The following CSMD2 variants were observed in gnomAD, a reference collection of about 807,000 sequenced individuals.
The protein encoded by CSMD2 is CUB and sushi domain-containing protein 2.
A neutral mutation model predicts 398.5 loss-of-function variants in CSMD2; 130 were observed. The observed-to-expected ratio is 0.33, with a 90% CI of 0.28 to 0.38. The LOEUF is 0.38. CSMD2 is among the 10% of genes least tolerant of loss of function. CSMD2 has a pLI of 1.00. For missense variants in CSMD2, 3,829 were observed against 4,764.9 expected, an observed-to-expected ratio of 0.80 and a Z score of 5.78; for synonymous variants, 1,828 against 1,908.5, an observed-to-expected ratio of 0.96 and a Z score of 1.10.
intron 1 of CSMD2, among the ~76,000 whole-genome samples, chr1:34,162,480 C>A (rs1641434592): frequency 6.6e-6 from 1 of 152,180 alleles, no homozygotes. Flanking sequence ...CCAAATCCTG[C>A]CGATCTTCTG....
chr1:33,971,824 T>C (rs1034917451), intron 3 of CSMD2, among the ~76,000 whole-genome samples: 2 of 152,010 alleles, frequency 1.3e-5, no homozygotes, highest in Non-Finnish European at 2.9e-5. Flanking sequence ...CTGGGAGCCA[T>C]GGAGAGTTGA....
At chr1:33,655,626 G>A (rs982953464) in intron 27 of CSMD2, among the ~76,000 whole-genome samples, 2 of 152,120 alleles carry the variant, frequency 1.3e-5, no homozygotes, top group African/African-American at 4.8e-5. Flanking sequence ...TGTTTAGCCC[G>A]GTGCCTATCA....
intron 12 of CSMD2, among the ~76,000 whole-genome samples, chr1:33,787,189 C>G (rs1314812030): frequency 6.6e-6 from 1 of 152,196 alleles, no homozygotes; most frequent in African/African-American, 2.4e-5. Context: ...GGATTCTACC[C>G]ATAGTGGGGG....
intron 6 of CSMD2, among the ~76,000 whole-genome samples, chr1:33,828,960 T>G (rs1250360640): frequency 3.9e-5 from 6 of 152,120 alleles, no homozygotes; most frequent in Non-Finnish European, 8.8e-5. Flanking sequence ...GAGAACTGAG[T>G]GAGAAGGAAC....
intron 5 of CSMD2, among the ~76,000 whole-genome samples, chr1:33,868,476 A>G (rs1214606241): frequency 2.6e-5 from 4 of 152,100 alleles, no homozygotes; most frequent in Non-Finnish European, 4.4e-5. Flanking sequence ...GGTGGCTCAT[A>G]CCTGTAATCC....
rs575332602 is a variant in CSMD2, at chr1:33,866,553, G to A, written c.921-19557C>T. 1.2e-4 allele frequency among the ~76,000 whole-genome samples: 19 copies of A among 152,316 alleles called. 1 individual carries two copies. The South Asian group carries it at 1.9e-3, about 15-fold the overall frequency. On this transcript the variant is annotated intron_variant, in intron 5 of 70. Transcript: ENST00000373381. ...TTCTCTTCCCTCTCAGGAGACGCCC[G>A]CATTTTCTGCTTCATTGAGAAAATA...
chr1:33,991,532 C>G (rs555388468), intron 3 of CSMD2, among the ~76,000 whole-genome samples: 1 of 152,254 alleles, frequency 6.6e-6, no homozygotes, highest in Admixed American at 6.5e-5. Context: ...CAGCCATAGT[C>G]ATAGGTTTCC....
chr1:34,106,897 T>G (rs78744918), intron 1 of CSMD2, among the ~76,000 whole-genome samples: 1 of 152,246 alleles, frequency 6.6e-6, no homozygotes, highest in Non-Finnish European at 1.5e-5. Context: ...GAAGCCACCA[T>G]TGCGGACCAA....
At chr1:33,627,725 A>G (rs901941640) in intron 32 of CSMD2, among the ~76,000 whole-genome samples, 2 of 152,230 alleles carry the variant, frequency 1.3e-5, no homozygotes, top group Non-Finnish European at 2.9e-5. Context: ...TATTGCCCCC[A>G]GCTAACATGT....
chr1:33,916,145 T>C (rs1358645043), intron 5 of CSMD2, among the ~76,000 whole-genome samples: 1 of 152,208 alleles, frequency 6.6e-6, no homozygotes, highest in Non-Finnish European at 1.5e-5. Context: ...TCTGTGATGG[T>C]ACAGGAAAAC....
At chr1:33,807,608 A>AG (rs1384277622) in intron 10 of CSMD2, among the ~76,000 whole-genome samples, 1 of 151,934 alleles carries the variant, frequency 6.6e-6, no homozygotes. Flanking sequence ...TAATAACTTG[A>AG]GAAAAAATTA....
chr1:33,852,003 A>AT (rs1638743654), intron 5 of CSMD2, among the ~76,000 whole-genome samples: 1 of 152,006 alleles, frequency 6.6e-6, no homozygotes, highest in African/African-American at 2.4e-5. Flanking sequence ...TAAAGATTCA[A>AT]TTCCCGGCTA....
intron 3 of CSMD2, among the ~76,000 whole-genome samples, chr1:33,952,062 C>T (rs969012135): frequency 2.6e-5 from 4 of 152,200 alleles, no homozygotes; most frequent in African/African-American, 9.7e-5. Context: ...GGACACTCAG[C>T]ATGGTGGGGA....
At chr1:33,644,131 A>G (rs1328854373) in intron 29 of CSMD2, among the ~76,000 whole-genome samples, 2 of 151,984 alleles carry the variant, frequency 1.3e-5, no homozygotes, top group African/African-American at 4.8e-5. Flanking sequence ...GCAGCTGGGG[A>G]GGTCTTATTC....
chr1:33,677,347 A>G (rs1052053525), intron 25 of CSMD2, among the ~76,000 whole-genome samples: 2 of 152,264 alleles, frequency 1.3e-5, no homozygotes, highest in African/African-American at 4.8e-5. Context: ...GCAGTCAAAA[A>G]ACACATGAAA....
chr1:34,078,655 C>A (rs1035398669), intron 2 of CSMD2, among the ~76,000 whole-genome samples: 5 of 151,542 alleles, frequency 3.3e-5, no homozygotes, highest in African/African-American at 1.2e-4. Context: ...TAGAGCCTAG[C>A]TAGGTATAAA....
chr1:33,843,602 C>T (rs938513134), intron 6 of CSMD2, among the ~76,000 whole-genome samples: 1 of 152,162 alleles, frequency 6.6e-6, no homozygotes, highest in Non-Finnish European at 1.5e-5. Context: ...GTTCTGTGCC[C>T]CAAGAAGCTG....
At chr1:34,090,629 C>T (rs1658453482) in intron 1 of CSMD2, among the ~76,000 whole-genome samples, 1 of 152,086 alleles carries the variant, frequency 6.6e-6, no homozygotes, top group Admixed American at 6.5e-5. Flanking sequence ...CTTCACAACC[C>T]CATGGCTAAT....
chr1:33,957,322 A>G (rs1422600110), intron 3 of CSMD2, among the ~76,000 whole-genome samples: 1 of 152,186 alleles, frequency 6.6e-6, no homozygotes, highest in African/African-American at 2.4e-5. Flanking sequence ...CAAATGAGCA[A>G]TGAAACCATG....
Sources: gnomAD v4.1 joint callset for allele counts (sites outside exome capture counted in the v4.1 genomes callset) on GRCh38, gnomAD v4.1.1 for gene constraint, MANE v1.5 for transcripts, NCBI Gene and HGNC (gene_info 2026-07-23, HGNC 2026-07-21) for gene names.